Variants in NTRK2 observed in about 807,000 individuals in gnomAD.
The protein encoded by NTRK2 is neurotrophic receptor tyrosine kinase 2, also known as BDNF/NT-3 growth factors receptor.
NTRK2 carries 13 observed loss-of-function variants against 94.5 expected under a neutral mutation model. The observed-to-expected ratio is 0.14, with a 90% CI of 0.09 to 0.22. The LOEUF is 0.22. NTRK2 is among the 10% of genes least tolerant of loss of function. The pLI is 1.00. For missense variants in NTRK2, 639 were observed against 1,071.2 expected (o/e 0.60, Z 5.63); for synonymous variants, 372 against 407.4 (o/e 0.91, Z 1.05).
rs1832851251 is a variant in NTRK2 at position 85,022,858 on chromosome 9, T to A, written c.*1421T>A. ...CTCATCCACGTCGAACCCACAGGAC[T>A]GTGGGAAGGGCAGAATCAATCCCTA... On this transcript the variant is annotated 3_prime_UTR_variant, in exon 19 of 19. Coordinates refer to ENST00000277120, the MANE Select transcript of NTRK2 (RefSeq NM_006180.6). The A allele has an allele frequency of 4.3e-6, 1 of 233,140 alleles. No individual in the cohort carries two copies. The highest frequency in any genetic ancestry group is 8.5e-6 in the Non-Finnish European group (1 of 118,118). 14.4% of individuals were successfully genotyped at this position (233,140 alleles called of 1,614,324 possible).
intron 10 of NTRK2, among the ~76,000 whole-genome samples, chr9:84,742,789 G>GCTTTTTTTTT (rs1221783716): frequency 1.9e-5 from 2 of 103,706 alleles, no homozygotes; most frequent in African/African-American, 8.0e-5. Context: ...CATTATATTA[G>GCTTTTTTTTT]TTTTTTTTTT....
intron 17 of NTRK2, among the ~76,000 whole-genome samples, chr9:84,971,892 A>T (rs1826230276): frequency 6.6e-6 from 1 of 152,166 alleles, no homozygotes; most frequent in Non-Finnish European, 1.5e-5. Flanking sequence ...GAAGAGGAAG[A>T]TATCAAGGAT....
intron 14 of NTRK2, among the ~76,000 whole-genome samples, chr9:84,916,314 C>A (rs1245785055): frequency 6.6e-6 from 1 of 152,034 alleles, no homozygotes. Flanking sequence ...GTTCTTGACT[C>A]AGAAGAGAGC....
At chr9:84,975,022 A>G (rs774890864) in intron 17 of NTRK2, among the ~76,000 whole-genome samples, 6 of 152,158 alleles carry the variant, frequency 3.9e-5, no homozygotes, top group African/African-American at 1.4e-4. Context: ...TGGCAGTGCC[A>G]GGAGACACTC....
chr9:85,026,659 T>C lies in NTRK2; in HGVS notation c.*5222T>C, dbSNP rs1833049310. The C allele has an allele frequency of 4.3e-6, 1 of 233,044 alleles. No individual in the cohort carries two copies. The highest frequency in any genetic ancestry group is 8.5e-6 in the Non-Finnish European group (1 of 117,924). The allele number at this position is 233,044 out of a possible 1,614,324, so 14.4% of individuals were successfully genotyped here. The stretch of plus-strand genomic sequence containing the variant: ...ACAAATCTGCCTGGAGATGTGGACA[T>C]TCTGCATTTGCTTCTGTATCTGGAG... On this transcript the variant is annotated 3_prime_UTR_variant, in exon 19 of 19. Coordinates refer to ENST00000277120, the MANE Select transcript of NTRK2 (RefSeq NM_006180.6).
chr9:84,970,381 A>C (rs1316543676), intron 17 of NTRK2, among the ~76,000 whole-genome samples: 1 of 151,998 alleles, frequency 6.6e-6, no homozygotes, highest in African/African-American at 2.4e-5. Flanking sequence ...AAAAAAATAA[A>C]AAATAAATAA....
chr9:84,807,662 G>A (rs1056242455), intron 12 of NTRK2, among the ~76,000 whole-genome samples: 2 of 152,188 alleles, frequency 1.3e-5, no homozygotes, highest in African/African-American at 2.4e-5. Context: ...TCAGCCATTT[G>A]TTGTGGTCTA....
chr9:84,876,989 A>G (rs201392084), intron 14 of NTRK2: 24 of 1,061,328 alleles, frequency 2.3e-5, no homozygotes, highest in Non-Finnish European at 2.6e-5. Flanking sequence ...TTTCTTAGTA[A>G]GATATTGGTG....
At chr9:84,962,681 C>T (rs1391526361) in intron 17 of NTRK2, among the ~76,000 whole-genome samples, 4 of 152,276 alleles carry the variant, frequency 2.6e-5, no homozygotes, top group Non-Finnish European at 4.4e-5. Flanking sequence ...AGAGGTCTCT[C>T]CTCCTCCAGT....
chr9:85,020,091 A>G, intron 17 of NTRK2, 115 bp from the exon 18 acceptor site: 1 of 1,112,692 alleles, frequency 9.0e-7, no homozygotes, highest in Non-Finnish European at 1.4e-6. Context: ...TGTGTTTATA[A>G]ACAATTAAAA....
chr9:84,910,898 T>C (rs886175606), intron 14 of NTRK2, among the ~76,000 whole-genome samples: 5 of 152,222 alleles, frequency 3.3e-5, no homozygotes, highest in African/African-American at 1.2e-4. Context: ...AATTTCCATA[T>C]ACATTTCAGA....
intron 14 of NTRK2, among the ~76,000 whole-genome samples, chr9:84,928,834 C>A (rs2077916726): frequency 6.6e-6 from 1 of 152,138 alleles, no homozygotes; most frequent in Non-Finnish European, 1.5e-5. Flanking sequence ...AGGCCATTAT[C>A]TTTTAGAGTA....
chr9:84,788,706 C>T, intron 12 of NTRK2, among the ~76,000 whole-genome samples: 1 of 151,838 alleles, frequency 6.6e-6, no homozygotes, highest in East Asian at 1.9e-4. Context: ...GGAGGGGGAG[C>T]AAATGGCAGA....
intron 14 of NTRK2, among the ~76,000 whole-genome samples, chr9:84,894,076 G>T (rs1323136771): frequency 7.2e-6 from 1 of 138,286 alleles, no homozygotes; most frequent in Non-Finnish European, 1.6e-5. Context: ...GTGTTATTTG[G>T]CTAAATGAAA....
intron 2 of NTRK2, among the ~76,000 whole-genome samples, chr9:84,692,468 C>CTTTTTTTTTTTTTTTTT (rs71369138): frequency 2.7e-3 from 236 of 87,632 alleles, no homozygotes; most frequent in Non-Finnish European, 3.5e-3. Flanking sequence ...TTCTTTTTTT[C>CTTTTTTTTTTTTTTTTT]TTTTTTTTTT....
chr9:84,798,941 T>TATATATATATAA (rs1554731494), intron 12 of NTRK2, among the ~76,000 whole-genome samples: 7 of 119,832 alleles, frequency 5.8e-5, no homozygotes, highest in African/African-American at 1.7e-4. Flanking sequence ...TATATATATA[T>TATATATATATAA]GCTTATTTAA....
At chr9:84,766,330 A>G (rs931860564) in intron 12 of NTRK2, among the ~76,000 whole-genome samples, 1 of 152,068 alleles carries the variant, frequency 6.6e-6, no homozygotes, top group Non-Finnish European at 1.5e-5. Context: ...GCAGAGAGGG[A>G]TGGAAATGCA....
At chr9:84,938,432 C>T (rs1186370140) in intron 15 of NTRK2, among the ~76,000 whole-genome samples, 1 of 152,176 alleles carries the variant, frequency 6.6e-6, no homozygotes, top group Non-Finnish European at 1.5e-5. Flanking sequence ...CAAGTTGTCC[C>T]TCTTGGGAAG....
chr9:84,932,540 A>G (rs999472337), intron 14 of NTRK2, among the ~76,000 whole-genome samples: 3 of 152,212 alleles, frequency 2.0e-5, no homozygotes, highest in Non-Finnish European at 4.4e-5. Context: ...TATATGGTTT[A>G]TATTTTCGTA....
Sources: allele counts gnomAD v4.1 joint callset (sites outside exome capture counted in the v4.1 genomes callset), GRCh38; gene constraint gnomAD v4.1.1; transcripts MANE v1.5; gene names NCBI Gene and HGNC (gene_info 2026-07-23, HGNC 2026-07-21).